Variants in WDR41 observed in about 807,000 individuals in gnomAD.
The protein encoded by WDR41 is WD repeat domain 41.
Under a neutral mutation model 69.3 loss-of-function variants are expected in WDR41, and 63 were observed. That is an observed-to-expected ratio of 0.91 (90% CI 0.74 to 1.12). WDR41 has a LOEUF of 1.12. Ranked by LOEUF, WDR41 falls within the 50% of genes most tolerant of loss-of-function variation. The probability of loss-of-function intolerance (pLI) is 0.00; values close to 1 mark genes in which losing one functional copy is unlikely to be tolerated. For synonymous variants in WDR41, 185 were observed against 192.1 expected, an observed-to-expected ratio of 0.96 and a Z score of 0.31; for missense variants, 543 against 534.5, an observed-to-expected ratio of 1.02 and a Z score of -0.16.
intron 1 of WDR41, among the ~76,000 whole-genome samples, chr5:77,591,299 C>T (rs1341376987): frequency 6.6e-6 from 1 of 151,874 alleles, no homozygotes; most frequent in Non-Finnish European, 1.5e-5. Context: ...GCTTTTTTTC[C>T]TCATCAGTAT....
intron 1 of WDR41, among the ~76,000 whole-genome samples, chr5:77,514,725 A>G (rs1466936247): frequency 6.6e-6 from 1 of 152,230 alleles, no homozygotes; most frequent in East Asian, 1.9e-4. Context: ...GGTATAGTCT[A>G]CTACACACCT....
In WDR41 at chr5:77,432,521, A is replaced by T. The variant is rs868506420; in HGVS notation, c.*614T>A. 6.6e-6 allele frequency: 1 copy of T among 152,338 alleles called. No homozygotes were observed. The highest frequency in any genetic ancestry group is 2.4e-5 in the African/African-American group (1 of 41,458). The allele number at this position is 152,338 out of a possible 1,614,324, so 9.4% of individuals were successfully genotyped here. ...CATTTAGCCCATGGCTCTTCAAGCC[A>T]ATTCACACTGGGAAAAACACACCCT... On this transcript the variant is annotated 3_prime_UTR_variant, in exon 13 of 13. Transcript: ENST00000296679.
chr5:77,594,379 C>T (rs1257407220), intron 1 of WDR41, among the ~76,000 whole-genome samples: 2 of 151,606 alleles, frequency 1.3e-5, no homozygotes, highest in East Asian at 1.9e-4. Flanking sequence ...CAAACCTGCA[C>T]ATTGTGCACA....
chr5:77,436,754 T>C (rs1297998753), intron 11 of WDR41, among the ~76,000 whole-genome samples: 1 of 152,202 alleles, frequency 6.6e-6, no homozygotes, highest in Non-Finnish European at 1.5e-5. Flanking sequence ...AAGCTGTATA[T>C]GTATGTGCAA....
intron 1 of WDR41, among the ~76,000 whole-genome samples, chr5:77,557,460 T>G (rs1226199659): frequency 1.3e-5 from 2 of 152,072 alleles, no homozygotes; most frequent in Non-Finnish European, 2.9e-5. Flanking sequence ...CACAAAGAGG[T>G]GGCAGAAGTA....
intron 1 of WDR41, among the ~76,000 whole-genome samples, chr5:77,583,287 G>A (rs1382159623): frequency 2.3e-4 from 35 of 151,882 alleles, no homozygotes; most frequent in Admixed American, 2.3e-3. Context: ...GGGCAAGGTG[G>A]GTGGAAAACT....
rs115407163 is a variant in WDR41, at chr5:77,460,924, G to C, written c.349-1800C>G. On this transcript the variant is annotated intron_variant, in intron 4 of 12. Coordinates refer to ENST00000296679, the MANE Select transcript of WDR41 (RefSeq NM_018268.4). ...TAAAAACCCAAGCAGAGTAAATTTA[G>C]AATTCATTTGGGTAAGAGAGACTGC... 4.8e-3 allele frequency among the ~76,000 whole-genome samples: 726 copies of C among 152,150 alleles called. 2 individuals carry two copies. The highest frequency in any genetic ancestry group is 0.017 in the African/African-American group (698 of 41,500).
intron 1 of WDR41, among the ~76,000 whole-genome samples, chr5:77,520,640 G>A (rs569753850): frequency 6.5e-4 from 99 of 152,162 alleles, no homozygotes; most frequent in Non-Finnish European, 1.2e-3. Context: ...CTCCTCCTCA[G>A]CTGCTCATCC....
intron 1 of WDR41, among the ~76,000 whole-genome samples, chr5:77,615,122 T>C (rs1424363935): frequency 1.3e-5 from 2 of 152,166 alleles, no homozygotes; most frequent in Non-Finnish European, 2.9e-5. Flanking sequence ...AACTGGATTA[T>C]GATGATAGTT....
At chr5:77,551,170 C>A (rs555246098) in intron 1 of WDR41, among the ~76,000 whole-genome samples, 1 of 151,866 alleles carries the variant, frequency 6.6e-6, no homozygotes, top group African/African-American at 2.4e-5. Flanking sequence ...TATGTACTCA[C>A]GTAACAATCC....
At chr5:77,619,730 G>A (rs1483258142) in intron 1 of WDR41, among the ~76,000 whole-genome samples, 1 of 151,974 alleles carries the variant, frequency 6.6e-6, no homozygotes, top group Non-Finnish European at 1.5e-5. Flanking sequence ...GCTAGGAAAG[G>A]AAAAGGGGTG....
intron 1 of WDR41, among the ~76,000 whole-genome samples, chr5:77,558,094 T>TTAAA (rs1554036365): frequency 4.8e-5 from 5 of 104,306 alleles, no homozygotes; most frequent in East Asian, 3.1e-4. Flanking sequence ...ATGTTCTTTT[T>TTAAA]AAAAAAAAAA....
intron 1 of WDR41, among the ~76,000 whole-genome samples, chr5:77,502,678 GA>G (rs1422624466): frequency 6.6e-6 from 1 of 152,186 alleles, no homozygotes; most frequent in African/African-American, 2.4e-5. Context: ...TCACTCGGGA[GA>G]AACCCTATAA....
At position 77,614,654 on chromosome 5, in the gene WDR41, G is replaced by C. The variant is rs1188321670; in HGVS notation, c.42+5825C>G. On this transcript the variant is annotated intron_variant, in intron 1 of 5. Transcript: ENST00000509971. ...CACTCTGGGGACTGTTGTGGGGTGG[G>C]GGGGGAGGGGGGAGGGATAGCATTA... 3.5e-5 allele frequency among the ~76,000 whole-genome samples: 5 copies of C among 142,688 alleles called. No homozygotes were observed. In the South Asian group the frequency reaches 7.5e-4, roughly 21 times the overall value. The allele number at this position is 142,688 out of a possible 152,430, so 93.6% of individuals were successfully genotyped here. A position where few individuals can be genotyped will look rare whatever the true frequency, so the allele number is the denominator to read the frequency against.
In WDR41 at chr5:77,458,966, A is replaced by G. The variant is rs534466563; in HGVS notation, c.411+96T>C. 12 of 839,604 alleles carry G rather than the reference A, an allele frequency of 1.4e-5. 1 individual carries two copies. Among genetic ancestry groups the G allele is most frequent in the South Asian group, 1.2e-4 (7 of 56,440 alleles). 52.0% of individuals were successfully genotyped at this position (839,604 alleles called of 1,614,324 possible). On this transcript the variant is annotated intron_variant, in intron 5 of 12. Coordinates refer to ENST00000296679, the MANE Select transcript of WDR41 (RefSeq NM_018268.4). ...AAGTGTGTGGAAAGAAATAATTCATAAGACCCACAAAAGTAATTTCGTCTA... is the reference window on the plus strand; with the variant it reads ...AAGTGTGTGGAAAGAAATAATTCATGAGACCCACAAAAGTAATTTCGTCTA...
In WDR41 at chr5:77,433,279, T is replaced by C. The variant is rs766094229; in HGVS notation, c.1236A>G (p.Leu412=). The part of the protein sequence containing the change: ...IGHSSSVEMF[L]YFEDHGLVTC... ...TCACTAGTCCATGATCTTCAAAGTA[T>C]AGAAACATCTGTAAAGAAAATTAAA... Residue 412 remains leucine (L), a synonymous_variant, in exon 13 of 13, where the codon CTA becomes CTG. Coordinates refer to ENST00000296679, the MANE Select transcript of WDR41 (RefSeq NM_018268.4). The C allele has an allele frequency of 8.7e-6, 14 of 1,609,964 alleles. No homozygotes were observed. The highest frequency in any genetic ancestry group is 4.0e-5 in the African/African-American group (3 of 74,598).
intron 11 of WDR41, 58 bp downstream of exon 11, chr5:77,437,278 C>T: frequency 7.2e-7 from 1 of 1,393,314 alleles, no homozygotes; most frequent in African/African-American, 1.4e-5. Flanking sequence ...CCTTCTCCTG[C>T]CTTTCACGTG....
chr5:77,494,480 T>C (rs181392289), upstream of WDR41, among the ~76,000 whole-genome samples: 66 of 152,164 alleles, frequency 4.3e-4, no homozygotes, highest in Admixed American at 5.9e-4. Context: ...AGATATTCCA[T>C]GCAAATAGTA....
chr5:77,577,072 C>T (rs1358599090), intron 1 of WDR41, among the ~76,000 whole-genome samples: 1 of 152,174 alleles, frequency 6.6e-6, no homozygotes, highest in Non-Finnish European at 1.5e-5. Flanking sequence ...TTTTTCTCCT[C>T]AGCCTAGCCA....
Sources: allele counts gnomAD v4.1 joint callset (sites outside exome capture counted in the v4.1 genomes callset), GRCh38; gene constraint gnomAD v4.1.1; transcripts MANE v1.5; gene names NCBI Gene and HGNC (gene_info 2026-07-23, HGNC 2026-07-21).